SLCO3A1: variants seen among roughly 807,000 people sequenced by gnomAD.
The protein encoded by SLCO3A1 is solute carrier organic anion transporter family member 3A1, also known as PGE1 transporter.
SLCO3A1 carries 27 observed loss-of-function variants against 63.1 expected under a neutral mutation model. That is an observed-to-expected ratio of 0.43 (90% CI 0.32 to 0.59). SLCO3A1 has a LOEUF of 0.59. Ranked by LOEUF, SLCO3A1 falls within the 20% of genes least tolerant of loss-of-function variation. The pLI, the probability that SLCO3A1 is intolerant of heterozygous loss-of-function variation, is 0.09. For synonymous variants in SLCO3A1, 473 were observed against 409.9 expected, an observed-to-expected ratio of 1.15 and a Z score of -1.86; for missense variants, 773 against 945.8, an observed-to-expected ratio of 0.82 and a Z score of 2.40.
chr15:92,094,946 A>G lies in SLCO3A1; in HGVS notation c.712A>G (p.Lys238Glu). The G allele has an allele frequency of 6.2e-7, 1 of 1,612,746 alleles. No homozygotes were observed. The highest frequency in any genetic ancestry group is 1.1e-5 in the South Asian group (1 of 91,044). ...CGFILGSFCT[K>E]IYVDAVFIDT... is the part of the protein sequence containing the mutation. ...GTTTATCCTGGGCTCTTTCTGTACC[A>G]AAATCTACGTGGATGCGGTCTTCAT... is the stretch of plus-strand genomic sequence containing the variant. The change falls in exon 3 of 10, where the codon AAA (lysine) becomes GAA (glutamate). Residue 238 changes from lysine to glutamate, a missense_variant. Coordinates refer to ENST00000318445, the MANE Select transcript of SLCO3A1 (RefSeq NM_013272.4).
chr15:91,936,208 A>G (rs1388285393), intron 2 of SLCO3A1, among the ~76,000 whole-genome samples: 2 of 152,364 alleles, frequency 1.3e-5, no homozygotes, highest in Middle Eastern at 3.4e-3. Flanking sequence ...TAAGTGCTCA[A>G]TGCGTTGTTA....
At chr15:91,926,815 G>A (rs903514322) in intron 2 of SLCO3A1, among the ~76,000 whole-genome samples, 4 of 152,050 alleles carry the variant, frequency 2.6e-5, no homozygotes, top group Non-Finnish European at 4.4e-5. Context: ...TAACCTTTTC[G>A]AATTATGTGG....
rs552381145 is a variant in SLCO3A1 at position 91,980,622 on chromosome 15, C to T, written c.646+64164C>T. ...ACTCCAGGGATCATTCCATAAGAAG[C>T]GTAGCCCTGGCTGGCTTTGCAGTTT... On this transcript the variant is annotated intron_variant, in intron 2 of 9. Transcript: ENST00000318445. Among the ~76,000 whole-genome samples, 337 of 152,168 alleles carry T rather than the reference C, an allele frequency of 2.2e-3. 4 individuals are homozygous for T. The highest frequency in any genetic ancestry group is 7.5e-3 in the African/African-American group (313 of 41,516).
Position 91,912,574 on chromosome 15 carries a change from CATG to C in SLCO3A1, c.181-3416_181-3414del, listed in dbSNP as rs1464538539. Among the ~76,000 whole-genome samples the C allele has an allele frequency of 2.0e-5, 3 of 152,218 alleles. No homozygotes were observed. Among genetic ancestry groups the C allele is most frequent in the Non-Finnish European group, 2.9e-5 (2 of 68,036 alleles). On this transcript the variant is annotated intron_variant, in intron 1 of 9. Transcript: ENST00000318445. The surrounding 1 kb of genome is among the most constrained non-coding windows in gnomAD (Gnocchi z 5.0). ...TATCTGTCATCAATGTGCACACCTG[CATG>C]ATATTTTATGACACAGCACACCTGC...
chr15:91,880,178 T>C (rs867358794), intron 1 of SLCO3A1, among the ~76,000 whole-genome samples: 8 of 151,374 alleles, frequency 5.3e-5, no homozygotes, highest in African/African-American at 1.5e-4. Context: ...TCCATCTATC[T>C]ATCTATCTAT....
chr15:91,925,785 T>G (rs1042968597), intron 2 of SLCO3A1, among the ~76,000 whole-genome samples: 1 of 152,198 alleles, frequency 6.6e-6, no homozygotes, highest in African/African-American at 2.4e-5. Flanking sequence ...TGAATGAACT[T>G]GCCTACAGAG....
chr15:92,020,663 C>T (rs2046497996), intron 2 of SLCO3A1, among the ~76,000 whole-genome samples: 2 of 152,194 alleles, frequency 1.3e-5, no homozygotes, highest in Admixed American at 6.5e-5. Context: ...ACCCAGCACT[C>T]CCCTACAGAG....
chr15:92,142,653 C>T (rs2048149216), intron 7 of SLCO3A1, among the ~76,000 whole-genome samples: 1 of 152,182 alleles, frequency 6.6e-6, no homozygotes, highest in Non-Finnish European at 1.5e-5. Context: ...AATCCTGTGG[C>T]AGCTTAACCC....
rs1567037078 is a variant in SLCO3A1, at chr15:91,956,976, AGTATATATAATATATAGTATATATT to A, written c.646+40519_646+40543del. Reference sequence around the variant, plus strand: ...CTAATTTATTTATATATATATATATAGTATATATAATATATAGTATATATTATATATATAATATATAGTATATATA... The same window carrying A: ...CTAATTTATTTATATATATATATATAATATATATAATATATAGTATATATA... On this transcript the variant is annotated intron_variant, in intron 2 of 9. Coordinates refer to ENST00000318445, the MANE Select transcript of SLCO3A1 (RefSeq NM_013272.4). Among the ~76,000 whole-genome samples the A allele has an allele frequency of 1.2e-3, 22 of 18,328 alleles. No homozygotes were observed. The African/African-American group carries it at 0.016, about 13-fold the overall frequency. The allele number at this position is 18,328 out of a possible 152,430, so 12.0% of individuals were successfully genotyped here. A position where few individuals can be genotyped will look rare whatever the true frequency, so the allele number is the denominator to read the frequency against.
At chr15:92,123,796 G>T (rs909610558) in intron 5 of SLCO3A1, among the ~76,000 whole-genome samples, 11 of 152,322 alleles carry the variant, frequency 7.2e-5, no homozygotes, top group African/African-American at 2.6e-4. Flanking sequence ...TTTGGGCAGT[G>T]CTCTGTTTCA....
intron 2 of SLCO3A1, among the ~76,000 whole-genome samples, chr15:91,918,409 G>C (rs1422005769): frequency 1.3e-5 from 2 of 152,180 alleles, no homozygotes; most frequent in Admixed American, 6.5e-5. Flanking sequence ...CATCTTGGTG[G>C]CTCTGTTACA....
chr15:91,945,341 C>CAAAA (rs146934068), intron 2 of SLCO3A1, among the ~76,000 whole-genome samples: 86 of 137,068 alleles, frequency 6.3e-4, no homozygotes, highest in African/African-American at 2.2e-3. Context: ...GACTCCATCT[C>CAAAA]AAAAAAAAAA....
intron 2 of SLCO3A1, among the ~76,000 whole-genome samples, chr15:91,986,216 G>A (rs1325058332): frequency 6.6e-6 from 1 of 152,178 alleles, no homozygotes; most frequent in Non-Finnish European, 1.5e-5. Context: ...TCCAGGTAGG[G>A]GTGTGATGGT....
intron 2 of SLCO3A1, among the ~76,000 whole-genome samples, chr15:92,062,337 A>G (rs1408369485): frequency 6.6e-6 from 1 of 152,198 alleles, no homozygotes; most frequent in Non-Finnish European, 1.5e-5. Flanking sequence ...CCTGGGTCCA[A>G]GTCGGGTCAG....
At chr15:91,995,530 T>G (rs1315837961) in intron 2 of SLCO3A1, among the ~76,000 whole-genome samples, 3 of 152,196 alleles carry the variant, frequency 2.0e-5, no homozygotes, top group Non-Finnish European at 4.4e-5. Context: ...AACTTTGGAC[T>G]AAGACAATGT....
intron 2 of SLCO3A1, among the ~76,000 whole-genome samples, chr15:92,029,503 A>G (rs1270090133): frequency 6.6e-6 from 1 of 152,230 alleles, no homozygotes; most frequent in Non-Finnish European, 1.5e-5. Context: ...GCAAAGACTC[A>G]TGTGAACATT....
rs1897966509 is a variant in SLCO3A1, at chr15:91,894,933, A to G, written c.181-21060A>G. Among the ~76,000 whole-genome samples the G allele has an allele frequency of 6.6e-6, 1 of 152,204 alleles. No individual in the cohort carries two copies. The highest frequency in any genetic ancestry group is 1.9e-4 in the East Asian group (1 of 5,190). ...AATCAAGGTTGAGTCTGTTGTTCCTAATCCATACCTGCATCCTGGACTTGT... is the reference window on the plus strand; with the variant it reads ...AATCAAGGTTGAGTCTGTTGTTCCTGATCCATACCTGCATCCTGGACTTGT... On this transcript the variant is annotated intron_variant, in intron 1 of 9. Coordinates refer to ENST00000318445, the MANE Select transcript of SLCO3A1 (RefSeq NM_013272.4). The surrounding 1 kb of genome is among the most constrained non-coding windows in gnomAD (Gnocchi z 4.8).
intron 2 of SLCO3A1, among the ~76,000 whole-genome samples, chr15:91,960,497 A>C (rs887595326): frequency 1.3e-5 from 2 of 152,126 alleles, no homozygotes; most frequent in African/African-American, 4.8e-5. Flanking sequence ...GATACATCCA[A>C]GCCAGTTCCG....
intron 9 of SLCO3A1, chr15:92,161,976 T>C (rs2048444284): frequency 6.6e-6 from 1 of 152,202 alleles, no homozygotes; most frequent in African/African-American, 2.4e-5. Flanking sequence ...GTTTCCTCTA[T>C]GAGACTACGC....
Sources: allele counts gnomAD v4.1 joint callset (sites outside exome capture counted in the v4.1 genomes callset), GRCh38; gene constraint gnomAD v4.1.1; non-coding constraint Gnocchi (gnomAD v3.1); transcripts MANE v1.5; gene names NCBI Gene and HGNC (gene_info 2026-07-23, HGNC 2026-07-21).